SERPINA11: variants seen among roughly 807,000 people sequenced by gnomAD.
The protein encoded by SERPINA11 is serpin A11.
In SERPINA11, 28 loss-of-function variants were observed where a neutral mutation model predicts 29.4. That is an observed-to-expected ratio of 0.95 (90% CI 0.70 to 1.30). SERPINA11 has a LOEUF of 1.30. SERPINA11 is among the 50% of genes most tolerant of loss of function. The pLI is 0.00. For synonymous variants in SERPINA11, 253 were observed against 206.6 expected (o/e 1.22, Z -1.92); for missense variants, 530 against 507.3 (o/e 1.04, Z -0.43).
chr14:94,448,397 A>C lies in SERPINA11; in HGVS notation c.378T>G (p.Leu126=), dbSNP rs35301459. The C allele has an allele frequency of 4.3e-5, 70 of 1,613,970 alleles. No individual in the cohort carries two copies. Among genetic ancestry groups the C allele is most frequent in the Middle Eastern group, 3.3e-4 (2 of 6,084 alleles). Residue 126 remains leucine (L), a synonymous_variant, in exon 2 of 5, where the codon CTT becomes CTG. Coordinates refer to ENST00000334708, the MANE Select transcript of SERPINA11 (RefSeq NM_001080451.2). Reference sequence around the variant, plus strand: ...GTTCGAGTTTGGGGCTGGGCAGGGCAAGGGTGTGGAGGAGGCTCCGGAAGC... The same window carrying C: ...GTTCGAGTTTGGGGCTGGGCAGGGCCAGGGTGTGGAGGAGGCTCCGGAAGC... ...HQGFRSLLHT[L]ALPSPKLELK...
At chr14:94,448,871 C>G in intron 1 of SERPINA11, 94 bp from the exon 2 acceptor site, 2 of 1,227,056 alleles carry the variant, frequency 1.6e-6, no homozygotes, top group Middle Eastern at 2.4e-4. Flanking sequence ...CACAATGTGC[C>G]CCACAGGGCT....
intron 3 of SERPINA11, among the ~76,000 whole-genome samples, chr14:94,443,715 G>A (rs1184256129): frequency 2.0e-5 from 3 of 152,122 alleles, no homozygotes; most frequent in Non-Finnish European, 1.5e-5. Context: ...CTCCACTTCA[G>A]GTTCCTCTAG....
chr14:94,448,696 C>A lies in SERPINA11; in HGVS notation c.79G>T (p.Asp27Tyr). 1.3e-6 allele frequency: 2 copies of A among 1,542,248 alleles called. No homozygotes were observed. The highest frequency in any genetic ancestry group is 1.7e-6 in the Non-Finnish European group (2 of 1,146,100). ...VHCQPLLAHG[D>Y]KSLQGPQPPR... Reference sequence around the variant, plus strand: ...GGTTGAGGCCCCTGCAGACTTTTATCTCCATGGGCAAGAAGGGGCTGACAG... The same window carrying A: ...GGTTGAGGCCCCTGCAGACTTTTATATCCATGGGCAAGAAGGGGCTGACAG... The change falls in exon 2 of 5, where the codon GAT becomes TAT. Residue 27 changes from aspartate to tyrosine, a missense_variant. By Grantham distance (160) the Asp-to-Tyr change is radical. Transcript: ENST00000334708.
intron 1 of SERPINA11, among the ~76,000 whole-genome samples, chr14:94,449,458 TTTC>T (rs1898534661): frequency 8.5e-6 from 1 of 118,008 alleles, no homozygotes; most frequent in African/African-American, 4.7e-5. Context: ...TCTTTCTTTC[TTTC>T]TTTCTTTCTT....
In SERPINA11 at chr14:94,446,469, G is replaced by A; in HGVS notation, c.779C>T (p.Ala260Val). 1 of 1,614,192 alleles carries A rather than the reference G, an allele frequency of 6.2e-7. No homozygotes were observed. The highest frequency in any genetic ancestry group is 8.5e-7 in the Non-Finnish European group (1 of 1,180,028). The change falls in exon 3 of 5, where the codon GCT becomes GTT. Residue 260 changes from alanine to valine, a missense_variant. Physicochemically the swap from Ala to Val is moderately conservative, Grantham distance 64. Coordinates refer to ENST00000334708, the MANE Select transcript of SERPINA11 (RefSeq NM_001080451.2). ...GTATTCTATCTGGAGGACGGTGCAA[G>A]CCAAATCCTGGTCATAGAGGAATCT... ...MHRFLYDQDL[A>V]CTVLQIEYRG...
intron 2 of SERPINA11, among the ~76,000 whole-genome samples, chr14:94,447,242 G>T (rs1770885188): frequency 1.3e-5 from 2 of 152,200 alleles, no homozygotes; most frequent in African/African-American, 2.4e-5. Flanking sequence ...TGGGGTCATG[G>T]TTACATTCAC....
chr14:94,442,605 G>T lies in SERPINA11; in HGVS notation c.*1C>A, dbSNP rs1229800474. Reference sequence around the variant, plus strand: ...AGATAACTCCTGGCCTCCCACCATGGTTACCCTGCAACTGGGTTGACAACT... The same window carrying T: ...AGATAACTCCTGGCCTCCCACCATGTTTACCCTGCAACTGGGTTGACAACT... On this transcript the variant is annotated 3_prime_UTR_variant, in exon 5 of 5. Coordinates refer to ENST00000334708, the MANE Select transcript of SERPINA11 (RefSeq NM_001080451.2). 2 of 1,603,770 alleles carry T rather than the reference G, an allele frequency of 1.2e-6. No individual in the cohort carries two copies. Among genetic ancestry groups the T allele is most frequent in the Non-Finnish European group, 1.7e-6 (2 of 1,174,336 alleles).
chr14:94,449,438 TTTC>T, intron 1 of SERPINA11, among the ~76,000 whole-genome samples: 1 of 106,058 alleles, frequency 9.4e-6, no homozygotes, highest in Non-Finnish European at 1.8e-5. Context: ...TCTTTCTTTC[TTTC>T]TTTCTTTCTT....
chr14:94,452,081 C>T (rs1898596163), intron 1 of SERPINA11, among the ~76,000 whole-genome samples: 1 of 152,116 alleles, frequency 6.6e-6, no homozygotes, highest in African/African-American at 2.4e-5. Flanking sequence ...AGGGATGCTG[C>T]TGGAGTTTAG....
At chr14:94,450,231 C>G (rs1047795906) in intron 1 of SERPINA11, among the ~76,000 whole-genome samples, 1 of 152,018 alleles carries the variant, frequency 6.6e-6, no homozygotes, top group Non-Finnish European at 1.5e-5. Context: ...TTGTACCTGC[C>G]CGAAATTCAT....
rs773436925 is a variant in SERPINA11 at position 94,442,825 on chromosome 14, A to G, written c.1066-16T>C. ...TGTGTGACACCTAGAGGACAAGAGG[A>G]GATGAAGACAGCATCAGTTTGGGGG... On this transcript the variant is annotated splice_polypyrimidine_tract_variant and intron_variant, in intron 4 of 4. Coordinates refer to ENST00000334708, the MANE Select transcript of SERPINA11 (RefSeq NM_001080451.2). 1.9e-5 allele frequency: 30 copies of G among 1,578,556 alleles called. No individual in the cohort carries two copies. Among genetic ancestry groups the G allele is most frequent in the Non-Finnish European group, 2.6e-5 (30 of 1,161,644 alleles).
At chr14:94,450,948 C>G (rs865964079) in intron 1 of SERPINA11, among the ~76,000 whole-genome samples, 5 of 152,148 alleles carry the variant, frequency 3.3e-5, no homozygotes, top group Non-Finnish European at 5.9e-5. Context: ...GGGACCCTCC[C>G]AAATCTTGAT....
chr14:94,443,055 A>C (rs1357443090), intron 4 of SERPINA11, 23 bp downstream of exon 4: 3 of 1,594,356 alleles, frequency 1.9e-6, no homozygotes, highest in Non-Finnish European at 2.6e-6. Context: ...CCTGCCCACA[A>C]ACATCCATGT....
At chr14:94,444,229 G>A (rs1295132412) in intron 3 of SERPINA11, among the ~76,000 whole-genome samples, 1 of 152,184 alleles carries the variant, frequency 6.6e-6, no homozygotes, top group African/African-American at 2.4e-5. Flanking sequence ...CACAGTGGAT[G>A]TTTAACAACT....
At chr14:94,445,159 G>A (rs1459294318) in intron 3 of SERPINA11, among the ~76,000 whole-genome samples, 2 of 152,206 alleles carry the variant, frequency 1.3e-5, no homozygotes, top group Non-Finnish European at 2.9e-5. Context: ...CATAAGTGAA[G>A]AGAGTTCAGT....
intron 1 of SERPINA11, among the ~76,000 whole-genome samples, chr14:94,449,917 T>G (rs1400509107): frequency 6.6e-6 from 1 of 152,174 alleles, no homozygotes; most frequent in East Asian, 1.9e-4. Flanking sequence ...AAGGATGATG[T>G]GCAAAGCCTC....
Position 94,448,507 on chromosome 14 carries a change from C to G in SERPINA11, c.268G>C (p.Gly90Arg), listed in dbSNP as rs778695503. The G allele has an allele frequency of 7.4e-6, 12 of 1,614,032 alleles. No homozygotes were observed. In the African/African-American group the frequency reaches 1.3e-4, roughly 18 times the overall value. ...ISTTLALLSL[G>R]AQANTSALIL... ...AGAGCTGAGGTGTTAGCTTGGGCCC[C>G]AAGAGAGAGCAGGGCCAGGGTGGTG... The change falls in exon 2 of 5, where the codon GGG (glycine) becomes CGG (arginine). Residue 90 changes from glycine (G) to arginine (R), a missense_variant. Gly to Arg is a moderately radical substitution (Grantham distance 125). Coordinates refer to ENST00000334708, the MANE Select transcript of SERPINA11 (RefSeq NM_001080451.2).
At chr14:94,446,631 T>A in intron 2 of SERPINA11, 27 bp from the exon 3 acceptor site, 1 of 1,593,992 alleles carries the variant, frequency 6.3e-7, no homozygotes, top group Non-Finnish European at 8.5e-7. Flanking sequence ...CATAAGGCCA[T>A]GAGAACTCTT....
Position 94,442,574 on chromosome 14 carries a change from GAGATA to G in SERPINA11, c.*27_*31del, listed in dbSNP as rs776899372. The G allele has an allele frequency of 6.6e-6, 10 of 1,524,212 alleles. No homozygotes were observed. The highest frequency in any genetic ancestry group is 1.7e-4 in the Middle Eastern group (1 of 5,760). 94.4% of individuals were successfully genotyped at this position (1,524,212 alleles called of 1,614,324 possible). ...CTGGCCTATCTGTTTGGTCCAGGATGAGATAAGATAACTCCTGGCCTCCCACCATG... is the reference window on the plus strand; with the variant it reads ...CTGGCCTATCTGTTTGGTCCAGGATGAGATAACTCCTGGCCTCCCACCATG... On this transcript the variant is annotated 3_prime_UTR_variant, in exon 5 of 5. Coordinates refer to ENST00000334708, the MANE Select transcript of SERPINA11 (RefSeq NM_001080451.2).
Sources: allele counts gnomAD v4.1 joint callset (sites outside exome capture counted in the v4.1 genomes callset), GRCh38; gene constraint gnomAD v4.1.1; transcripts MANE v1.5; gene names NCBI Gene and HGNC (gene_info 2026-07-23, HGNC 2026-07-21).